Variants in DPP6 observed in about 807,000 individuals in gnomAD.
DPP6 encodes the protein A-type potassium channel modulatory protein DPP6.
A neutral mutation model predicts 122.6 loss-of-function variants in DPP6; 69 were observed. That is an observed-to-expected ratio of 0.56 (90% confidence interval 0.46 to 0.69). The LOEUF (loss-of-function observed/expected upper bound fraction) is 0.69, where lower values mean the gene tolerates loss of function less well. Among genes scored for constraint, DPP6 ranks in the 30% least tolerant of loss-of-function variants. The probability of loss-of-function intolerance (pLI) is 0.00; values close to 1 mark genes in which losing one functional copy is unlikely to be tolerated. For missense variants in DPP6, 928 were observed against 1,116.9 expected, an observed-to-expected ratio of 0.83 and a Z score of 2.41; for synonymous variants, 418 against 433.1, an observed-to-expected ratio of 0.97 and a Z score of 0.43.
chr7:154,071,638 G>A (rs1353743163), intron 1 of DPP6, among the ~76,000 whole-genome samples: 3 of 152,166 alleles, frequency 2.0e-5, no homozygotes, highest in African/African-American at 4.8e-5. Context: ...CGGCAATCTC[G>A]TTTCATCCAT....
At chr7:153,815,910 A>G in the DPP6 span, among the ~76,000 whole-genome samples, 2 of 152,230 alleles carry the variant, frequency 1.3e-5, no homozygotes, top group South Asian at 4.2e-4. Context: ...GAATATCACA[A>G]ATTAGTAGAA....
At chr7:154,273,084 A>C (rs776595310) in intron 1 of DPP6, among the ~76,000 whole-genome samples, 1 of 152,196 alleles carries the variant, frequency 6.6e-6, no homozygotes, top group African/African-American at 2.4e-5. Flanking sequence ...AGTGTAGAAG[A>C]ATTTAATGGA....
At chr7:154,558,277 A>G (rs894012464) in intron 4 of DPP6, among the ~76,000 whole-genome samples, 4 of 152,212 alleles carry the variant, frequency 2.6e-5, no homozygotes, top group African/African-American at 9.6e-5. Context: ...ATTGACCTTT[A>G]TATGTGAATA....
At chr7:154,147,514 C>G (rs28444620) in intron 1 of DPP6, among the ~76,000 whole-genome samples, 1 of 150,872 alleles carries the variant, frequency 6.6e-6, no homozygotes. Context: ...CGGAGTCTTA[C>G]TCTCGCTCAG....
At chr7:154,845,117 T>G (rs1051690455) in intron 16 of DPP6, among the ~76,000 whole-genome samples, 1 of 152,228 alleles carries the variant, frequency 6.6e-6, no homozygotes, top group African/African-American at 2.4e-5. Context: ...AATTATAAGC[T>G]TGGGAGGTCA....
At chr7:153,914,033 C>T (rs1277887238) in intron 1 of DPP6, among the ~76,000 whole-genome samples, 1 of 152,092 alleles carries the variant, frequency 6.6e-6, no homozygotes, top group Non-Finnish European at 1.5e-5. Flanking sequence ...GGCTGTATCC[C>T]CACCCAAATC....
At chr7:154,421,226 A>C (rs1817445507) in intron 1 of DPP6, among the ~76,000 whole-genome samples, 1 of 152,110 alleles carries the variant, frequency 6.6e-6, no homozygotes, top group Admixed American at 6.5e-5. Flanking sequence ...CAGTAACCAG[A>C]AACTTGTAGC....
chr7:154,187,872 C>T (rs11975478), intron 1 of DPP6, among the ~76,000 whole-genome samples: 35,933 of 152,002 alleles, frequency 0.24, 5,034 homozygotes, highest in African/African-American at 0.38. Context: ...GACTCTAACC[C>T]ACTCTAATTA....
intron 16 of DPP6, among the ~76,000 whole-genome samples, chr7:154,852,474 G>GCTCTCCTGCCTCTCCTGC (rs553132079): frequency 2.5e-4 from 35 of 139,168 alleles, no homozygotes; most frequent in East Asian, 1.1e-3. Context: ...GGCTCTCCTG[G>GCTCTCCTGCCTCTCCTGC]CTCTCCTGCC....
At chr7:154,129,490 C>T (rs1476091799) in intron 1 of DPP6, among the ~76,000 whole-genome samples, 3 of 152,208 alleles carry the variant, frequency 2.0e-5, no homozygotes, top group East Asian at 1.9e-4. Flanking sequence ...GGGCCAGGCA[C>T]GGTGGCAAAC....
At chr7:154,245,505 G>A (rs1222019831) in intron 1 of DPP6, among the ~76,000 whole-genome samples, 1 of 151,338 alleles carries the variant, frequency 6.6e-6, no homozygotes, top group African/African-American at 2.4e-5. Context: ...CATGGTGGCG[G>A]GTGGCCTATA....
chr7:154,576,726 G>C (rs901869353), intron 5 of DPP6, among the ~76,000 whole-genome samples: 8 of 152,166 alleles, frequency 5.3e-5, no homozygotes, highest in Admixed American at 2.6e-4. Context: ...CAGGCTCTTG[G>C]GGGAGGAGGC....
intron 8 of DPP6, among the ~76,000 whole-genome samples, chr7:154,749,976 TGA>T (rs1220124069): frequency 7.1e-6 from 1 of 140,694 alleles, no homozygotes; most frequent in Non-Finnish European, 1.6e-5. Context: ...GAGGCTTTAC[TGA>T]GAGAGGGTGA....
chr7:154,713,609 C>A (rs188752555), intron 7 of DPP6, among the ~76,000 whole-genome samples: 1 of 152,226 alleles, frequency 6.6e-6, no homozygotes, highest in African/African-American at 2.4e-5. Context: ...AGCAATGGCC[C>A]AAGCTGTACG....
the DPP6 span, among the ~76,000 whole-genome samples, chr7:153,848,132 C>T: frequency 1.3e-5 from 2 of 152,134 alleles, no homozygotes; most frequent in East Asian, 1.9e-4. Flanking sequence ...CATAAAGAGT[C>T]ACAGCGGCTG....
chr7:154,719,750 G>A (rs1841698052), intron 7 of DPP6, among the ~76,000 whole-genome samples: 2 of 152,230 alleles, frequency 1.3e-5, no homozygotes, highest in Non-Finnish European at 2.9e-5. Flanking sequence ...TTCTCCGCAG[G>A]TCACTGCCCC....
intron 1 of DPP6, among the ~76,000 whole-genome samples, chr7:154,213,970 A>G (rs1174950296): frequency 6.6e-6 from 1 of 152,180 alleles, no homozygotes; most frequent in Non-Finnish European, 1.5e-5. Context: ...AGCAAATGGG[A>G]AGATGGTCTT....
At chr7:153,980,543 TC>T (rs1274739502) in intron 1 of DPP6, among the ~76,000 whole-genome samples, 32 of 152,238 alleles carry the variant, frequency 2.1e-4, no homozygotes, top group Non-Finnish European at 1.8e-4. Context: ...TGTGTCTATC[TC>T]CTTCAGTTCT....
chr7:153,964,267 A>G (rs1478113501), intron 1 of DPP6, among the ~76,000 whole-genome samples: 7 of 152,170 alleles, frequency 4.6e-5, no homozygotes, highest in Admixed American at 4.6e-4. Context: ...AAGTGCTGAG[A>G]TTACAGGCGT....
Sources: allele counts gnomAD v4.1 joint callset (sites outside exome capture counted in the v4.1 genomes callset), GRCh38; gene constraint gnomAD v4.1.1; transcripts MANE v1.5; gene names NCBI Gene and HGNC (gene_info 2026-07-23, HGNC 2026-07-21).